The following CDKL1 variants were observed in gnomAD, a reference collection of about 807,000 sequenced individuals.
CDKL1 encodes cyclin-dependent kinase-like 1.
CDKL1 carries 41 observed loss-of-function variants against 42.0 expected under a neutral mutation model. The ratio of observed to expected loss-of-function variants is 0.98; its 90% CI spans 0.76 to 1.27. The LOEUF is 1.27. Among genes scored for constraint, CDKL1 ranks in the 50% most tolerant of loss-of-function variants. The pLI is 0.00. For synonymous variants in CDKL1, 153 were observed against 158.6 expected, an observed-to-expected ratio of 0.96 and a Z score of 0.26; for missense variants, 394 against 428.4, an observed-to-expected ratio of 0.92 and a Z score of 0.71.
chr14:50,378,170 C>T (rs763318392), intron 2 of CDKL1: 1 of 1,366,148 alleles, frequency 7.3e-7, no homozygotes, highest in Admixed American at 1.9e-5. Flanking sequence ...TTAGCTGCTT[C>T]CTTTACCTGC....
In CDKL1 at chr14:50,395,749, A is replaced by G; in HGVS notation, c.120T>C (p.Asp40=). 1 of 1,614,048 alleles carries G rather than the reference A, an allele frequency of 6.2e-7. No homozygotes were observed. Among genetic ancestry groups the G allele is most frequent in the Non-Finnish European group, 8.5e-7 (1 of 1,179,850 alleles). Residue 40 remains aspartate, a synonymous_variant, in exon 2 of 10, where the codon GAT becomes GAC. Coordinates refer to ENST00000395834, the MANE Select transcript of CDKL1 (RefSeq NM_004196.7). ...VAIKKFLESE[D]DPVIKKIALR... is the part of the protein sequence containing the mutation. ...GGGCAATTTTCTTTATGACAGGGTC[A>G]TCTTCTGATTCCAGAAACTTCTTGA... is the stretch of plus-strand genomic sequence containing the variant.
intron 2 of CDKL1, among the ~76,000 whole-genome samples, chr14:50,369,030 C>G (rs1206707988): frequency 1.3e-5 from 2 of 151,860 alleles, no homozygotes; most frequent in African/African-American, 4.9e-5. Flanking sequence ...CCATGCCTGG[C>G]TAATTTTTGT....
chr14:50,366,676 G>C (rs529183800), intron 2 of CDKL1, among the ~76,000 whole-genome samples: 19 of 152,242 alleles, frequency 1.2e-4, no homozygotes, highest in Non-Finnish European at 2.5e-4. Context: ...CAGAGGCAGG[G>C]TAGTCGGTGA....
Position 50,341,057 on chromosome 14 carries a change from C to A in CDKL1, c.630G>T (p.Gln210His). 1 of 1,613,738 alleles carries A rather than the reference C, an allele frequency of 6.2e-7. No homozygotes were observed. The highest frequency in any genetic ancestry group is 1.3e-5 in the African/African-American group (1 of 75,054). ...CCAAGGTCTTCCTAATCAGATACAG[C>A]TGATCCACATCCGATTTTCCTGGCC... ...PLWPGKSDVDQLYLIRKTLGD... is the reference protein window; with the variant it reads ...PLWPGKSDVDHLYLIRKTLGD... Residue 210 changes from glutamine (Q) to histidine (H), a missense_variant, in exon 6 of 10, where the codon CAG becomes CAT. Gln to His is a conservative substitution (Grantham distance 24). Coordinates refer to ENST00000395834, the MANE Select transcript of CDKL1 (RefSeq NM_004196.7).
chr14:50,391,225 T>A (rs1005345099), intron 2 of CDKL1, among the ~76,000 whole-genome samples: 1 of 152,162 alleles, frequency 6.6e-6, no homozygotes, highest in Non-Finnish European at 1.5e-5. Flanking sequence ...TCTCATCCAA[T>A]AAATCCTTAG....
intron 4 of CDKL1, chr14:50,342,961 G>A (rs1486203029): frequency 7.4e-7 from 1 of 1,357,776 alleles, no homozygotes; most frequent in Non-Finnish European, 9.8e-7. Context: ...TGCTCTGAGA[G>A]CTGCAGCCAC....
At chr14:50,332,659 C>G (rs756171129) in intron 8 of CDKL1, 19 of 1,532,076 alleles carry the variant, frequency 1.2e-5, no homozygotes, top group Middle Eastern at 1.7e-4. Context: ...TTTTCTCCAC[C>G]TTATTCTGTT....
At chr14:50,378,566 ATC>A in intron 2 of CDKL1, 1 of 678,812 alleles carries the variant, frequency 1.5e-6, no homozygotes, top group Non-Finnish European at 2.1e-6. Context: ...CAGGGTCATA[ATC>A]TGTCATCCAG....
At chr14:50,350,149 G>A (rs767857919) in intron 3 of CDKL1, among the ~76,000 whole-genome samples, 14 of 152,044 alleles carry the variant, frequency 9.2e-5, no homozygotes, top group Non-Finnish European at 1.9e-4. Flanking sequence ...GGGTTCAAGT[G>A]ATTCTCCTGC....
intron 3 of CDKL1, among the ~76,000 whole-genome samples, chr14:50,356,149 C>T (rs1459971453): frequency 6.6e-6 from 1 of 152,186 alleles, no homozygotes; most frequent in African/African-American, 2.4e-5. Flanking sequence ...CCTGGCAACA[C>T]CAGCATCAGT....
At chr14:50,365,407 G>A (rs960323155) in intron 2 of CDKL1, among the ~76,000 whole-genome samples, 1 of 152,056 alleles carries the variant, frequency 6.6e-6, no homozygotes, top group Non-Finnish European at 1.5e-5. Context: ...CCTGTTTTTA[G>A]AATAATTTTA....
At chr14:50,361,038 T>G (rs2034231609) in intron 2 of CDKL1, among the ~76,000 whole-genome samples, 1 of 152,226 alleles carries the variant, frequency 6.6e-6, no homozygotes, top group Non-Finnish European at 1.5e-5. Flanking sequence ...GACTCTACTT[T>G]CAATTCTTTT....
At position 50,326,777 on chromosome 14, in the gene CDKL1, G is replaced by A. The variant is rs1015516833; in HGVS notation, c.*3297C>T. ...TGCTTTAGGCTGGGTGCCGTGGCTC[G>A]TGCCTGTAATCCCAGTGCTTTGGGA... is the stretch of plus-strand genomic sequence containing the variant. On this transcript the variant is annotated 3_prime_UTR_variant, in exon 10 of 10. Coordinates refer to ENST00000395834, the MANE Select transcript of CDKL1 (RefSeq NM_004196.7). 8 of 984,230 alleles carry A rather than the reference G, an allele frequency of 8.1e-6. No individual in the cohort carries two copies. Among genetic ancestry groups the A allele is most frequent in the African/African-American group, 1.7e-5 (1 of 57,272 alleles). The allele number at this position is 984,230 out of a possible 1,614,324, so 61.0% of individuals were successfully genotyped here.
chr14:50,346,272 G>C (rs1035619185), intron 3 of CDKL1, among the ~76,000 whole-genome samples: 6 of 152,108 alleles, frequency 3.9e-5, no homozygotes, highest in African/African-American at 7.2e-5. Context: ...CTTCCAGGAA[G>C]GCTAGTTGGG....
In CDKL1 at chr14:50,358,636, C is replaced by CT. The variant is rs71118873; in HGVS notation, c.290+391dup. On this transcript the variant is annotated intron_variant, in intron 3 of 9. Transcript: ENST00000395834. ...CAAACACTGGCTGTTTTTAACTAGT[C>CT]TTTTTTTTTTTTTTTTTTTTTGAGA... Among the ~76,000 whole-genome samples, 433 of 67,640 alleles carry CT rather than the reference C, an allele frequency of 6.4e-3. 73 individuals carry two copies. The highest frequency in any genetic ancestry group is 0.016 in the South Asian group (29 of 1,856). 44.4% of individuals were successfully genotyped at this position (67,640 alleles called of 152,430 possible). A position where few individuals can be genotyped will look rare whatever the true frequency, so the allele number is the denominator to read the frequency against.
At chr14:50,333,399 G>C (rs1595248776) in intron 8 of CDKL1, 1 of 152,270 alleles carries the variant, frequency 6.6e-6, no homozygotes, top group East Asian at 1.9e-4. Context: ...CATGCTAAAA[G>C]ACACTTTCAC....
intron 2 of CDKL1, chr14:50,390,056 G>A (rs550244728): frequency 2.0e-5 from 15 of 740,360 alleles, no homozygotes; most frequent in African/African-American, 8.9e-5. Flanking sequence ...GTTGTTATTA[G>A]TGTAATTTGT....
Position 50,326,384 on chromosome 14 carries a change from T to C in CDKL1, c.*3690A>G, listed in dbSNP as rs1805371894. ...TTTTTATTATAACAGTAATTTACAT[T>C]TAACTTTAAAGTTAGTGAAGCATAC... On this transcript the variant is annotated 3_prime_UTR_variant, in exon 10 of 10. Coordinates refer to ENST00000395834, the MANE Select transcript of CDKL1 (RefSeq NM_004196.7). 1.1e-6 allele frequency: 1 copy of C among 924,132 alleles called. No homozygotes were observed. The highest frequency in any genetic ancestry group is 5.0e-5 in the South Asian group (1 of 19,984). 57.2% of individuals were successfully genotyped at this position (924,132 alleles called of 1,614,324 possible).
At chr14:50,369,731 G>T (rs1292741531) in intron 2 of CDKL1, among the ~76,000 whole-genome samples, 4 of 151,624 alleles carry the variant, frequency 2.6e-5, no homozygotes, top group Admixed American at 2.0e-4. Flanking sequence ...CAATTCTCCT[G>T]CCTCAGCCTC....
Sources: gnomAD v4.1 joint callset for allele counts (sites outside exome capture counted in the v4.1 genomes callset) on GRCh38, gnomAD v4.1.1 for gene constraint, MANE v1.5 for transcripts, NCBI Gene and HGNC (gene_info 2026-07-23, HGNC 2026-07-21) for gene names.